SAMMSON: variants seen among roughly 807,000 people sequenced by gnomAD.
SAMMSON encodes survival associated mitochondrial melanoma specific oncogenic non-coding RNA, also known as long intergenic non-protein coding RNA 1212.
intron 9 of SAMMSON, among the ~76,000 whole-genome samples, chr3:70,373,905 G>A (rs1044586925): frequency 6.6e-6 from 1 of 151,556 alleles, no homozygotes; most frequent in African/African-American, 2.4e-5. Flanking sequence ...TTTTTATGTT[G>A]ATGGCTTTAT....
chr3:70,023,693 T>C (rs1207248479), intron 3 of SAMMSON, among the ~76,000 whole-genome samples: 1 of 152,158 alleles, frequency 6.6e-6, no homozygotes, highest in Non-Finnish European at 1.5e-5. Context: ...ATTTGTCCAC[T>C]ATCAGAAATT....
At chr3:70,363,800 CTGTGTGTG>C (rs10542257) in intron 9 of SAMMSON, among the ~76,000 whole-genome samples, 12 of 146,738 alleles carry the variant, frequency 8.2e-5, no homozygotes, top group East Asian at 5.9e-4. Context: ...ATTGCATTGT[CTGTGTGTG>C]TGTGTGTGTG....
At chr3:70,150,773 G>A (rs1270207862) in intron 4 of SAMMSON, among the ~76,000 whole-genome samples, 2 of 151,942 alleles carry the variant, frequency 1.3e-5, no homozygotes, top group Non-Finnish European at 2.9e-5. Context: ...TTTGTAAAAC[G>A]TGCATATGAA....
chr3:70,098,163 A>G (rs181119100), intron 4 of SAMMSON, among the ~76,000 whole-genome samples: 1 of 152,292 alleles, frequency 6.6e-6, no homozygotes, highest in East Asian at 1.9e-4. Context: ...TTTTGCCTCT[A>G]GAGTCCAGGT....
intron 3 of SAMMSON, among the ~76,000 whole-genome samples, chr3:70,035,729 T>C (rs1450550512): frequency 1.3e-5 from 2 of 152,156 alleles, no homozygotes; most frequent in African/African-American, 4.8e-5. Flanking sequence ...CAACTGATGA[T>C]AGCGGGAAAG....
intron 4 of SAMMSON, among the ~76,000 whole-genome samples, chr3:70,247,023 C>G (rs1197435921): frequency 2.0e-5 from 3 of 151,952 alleles, no homozygotes; most frequent in Non-Finnish European, 1.5e-5. Context: ...CTATCTGTTT[C>G]CATGACTACC....
chr3:70,399,533 T>C (rs1358469501), intron 2 of SAMMSON, among the ~76,000 whole-genome samples: 1 of 152,128 alleles, frequency 6.6e-6, no homozygotes, highest in African/African-American at 2.4e-5. Context: ...CCAACAAATA[T>C]ATCTGTTGAT....
At chr3:70,011,383 A>C (rs1433752891) in intron 1 of SAMMSON, among the ~76,000 whole-genome samples, 1 of 152,084 alleles carries the variant, frequency 6.6e-6, no homozygotes, top group Non-Finnish European at 1.5e-5. Flanking sequence ...GAAAATACCT[A>C]TTGTTAGGAC....
intron 4 of SAMMSON, among the ~76,000 whole-genome samples, chr3:70,143,141 G>T (rs1234887741): frequency 2.6e-5 from 4 of 152,096 alleles, no homozygotes; most frequent in Non-Finnish European, 5.9e-5. Flanking sequence ...AGCCCAGTCA[G>T]TTAATATAAT....
chr3:70,284,916 G>C (rs926370744), intron 6 of SAMMSON, among the ~76,000 whole-genome samples: 1 of 152,070 alleles, frequency 6.6e-6, no homozygotes, highest in Non-Finnish European at 1.5e-5. Flanking sequence ...AAACAAAAAA[G>C]AGTAAATGGC....
At chr3:70,386,889 G>A (rs1022788704) in intron 9 of SAMMSON, among the ~76,000 whole-genome samples, 1 of 152,002 alleles carries the variant, frequency 6.6e-6, no homozygotes, top group Non-Finnish European at 1.5e-5. Context: ...TTCTCTGTTG[G>A]GATGTATTTC....
At chr3:70,054,701 A>G (rs554458841) in intron 3 of SAMMSON, among the ~76,000 whole-genome samples, 13 of 152,222 alleles carry the variant, frequency 8.5e-5, no homozygotes, top group African/African-American at 1.9e-4. Context: ...TCCAAGAGCC[A>G]GGCAGGCAAT....
At chr3:70,105,521 T>C (rs930780821) in intron 4 of SAMMSON, among the ~76,000 whole-genome samples, 1 of 152,176 alleles carries the variant, frequency 6.6e-6, no homozygotes, top group African/African-American at 2.4e-5. Context: ...TTGAGTGGCA[T>C]GTCGAGATCT....
At chr3:70,085,993 A>G (rs1378096309) in intron 4 of SAMMSON, among the ~76,000 whole-genome samples, 1 of 152,252 alleles carries the variant, frequency 6.6e-6, no homozygotes. Context: ...AGAATATCTA[A>G]TAGTTGGCTA....
intron 9 of SAMMSON, among the ~76,000 whole-genome samples, chr3:70,385,664 T>C (rs1703117089): frequency 6.6e-6 from 1 of 152,058 alleles, no homozygotes; most frequent in Non-Finnish European, 1.5e-5. Flanking sequence ...AGATTTTGAC[T>C]AACGGCATGA....
intron 4 of SAMMSON, chr3:70,125,867 C>A (rs1301009494): frequency 1.5e-6 from 1 of 678,668 alleles, no homozygotes; most frequent in East Asian, 2.7e-5. Flanking sequence ...TGGTCCTCAT[C>A]ATCACTGCTG....
At chr3:70,098,197 A>C (rs376611537) in intron 4 of SAMMSON, among the ~76,000 whole-genome samples, 6 of 152,110 alleles carry the variant, frequency 3.9e-5, no homozygotes, top group African/African-American at 1.2e-4. Context: ...AGTCCAGATA[A>C]AGTCAGCATC....
chr3:70,088,179 C>T lies in SAMMSON; in HGVS notation n.507+16614C>T, dbSNP rs186180960. Among the ~76,000 whole-genome samples the T allele has an allele frequency of 1.7e-3, 258 of 152,272 alleles. 2 individuals carry two copies. Among genetic ancestry groups the T allele is most frequent in the Non-Finnish European group, 1.3e-3 (91 of 68,020 alleles). Reference sequence around the variant, plus strand: ...TAGAGTTCATGCAACCTTAGGATAACGATAGCTTTTCTTTTCTAATGCTTC... The same window carrying T: ...TAGAGTTCATGCAACCTTAGGATAATGATAGCTTTTCTTTTCTAATGCTTC... On this transcript the variant is annotated intron_variant and non_coding_transcript_variant, in intron 4 of 9. Coordinates refer to ENST00000642114, the Ensembl canonical transcript of SAMMSON.
chr3:70,026,085 A>T (rs2067036091), intron 3 of SAMMSON, among the ~76,000 whole-genome samples: 1 of 152,184 alleles, frequency 6.6e-6, no homozygotes, highest in Non-Finnish European at 1.5e-5. Flanking sequence ...AAAAGAGAAA[A>T]TAATTTTGGA....
Sources: gnomAD v4.1 joint callset for allele counts (sites outside exome capture counted in the v4.1 genomes callset) on GRCh38, gnomAD v4.1.1 for gene constraint, MANE v1.5 for transcripts, NCBI Gene and HGNC (gene_info 2026-07-23, HGNC 2026-07-21) for gene names.